DCAF6: variants seen among roughly 807,000 people sequenced by gnomAD.
DCAF6 encodes the protein DDB1 and CUL4 associated factor 6.
Under a neutral mutation model 125.1 loss-of-function variants are expected in DCAF6, and 54 were observed. That is an observed-to-expected ratio of 0.43 (90% CI 0.35 to 0.54). The LOEUF (loss-of-function observed/expected upper bound fraction) is 0.54. DCAF6 is among the 20% of genes least tolerant of loss of function. The pLI is 0.01. For missense variants in DCAF6, 934 were observed against 1,161.7 expected (o/e 0.80, Z 2.85); for synonymous variants, 371 against 390.4 (o/e 0.95, Z 0.58).
At chr1:167,990,637 A>G (rs1450033261) in intron 5 of DCAF6, among the ~76,000 whole-genome samples, 1 of 152,208 alleles carries the variant, frequency 6.6e-6, no homozygotes, top group Admixed American at 6.5e-5. Context: ...TATGAAATGT[A>G]GCTAGTTTAG....
chr1:167,913,172 T>A, the DCAF6 span, among the ~76,000 whole-genome samples: 12 of 152,192 alleles, frequency 7.9e-5, no homozygotes, highest in African/African-American at 2.6e-4. Context: ...GAATGAGAAA[T>A]GAGGATACCT....
intron 3 of DCAF6, among the ~76,000 whole-genome samples, chr1:167,972,974 T>C (rs769324035): frequency 1.3e-5 from 2 of 152,198 alleles, no homozygotes; most frequent in Admixed American, 1.3e-4. Context: ...TAAGTGGAGG[T>C]AAATCATAAA....
chr1:168,027,320 G>A (rs1233781862), intron 12 of DCAF6, among the ~76,000 whole-genome samples: 1 of 152,066 alleles, frequency 6.6e-6, no homozygotes, highest in African/African-American at 2.4e-5. Context: ...CATGTTTATA[G>A]AGTAAACAGA....
intron 3 of DCAF6, among the ~76,000 whole-genome samples, chr1:167,973,921 A>G (rs1677737807): frequency 6.6e-6 from 1 of 152,154 alleles, no homozygotes; most frequent in South Asian, 2.1e-4. Flanking sequence ...TGCCTAGTCA[A>G]AGAGTAAGCA....
chr1:167,913,039 GTTTAA>G, the DCAF6 span, among the ~76,000 whole-genome samples: 3 of 152,164 alleles, frequency 2.0e-5, no homozygotes, highest in Non-Finnish European at 4.4e-5. Context: ...AAAGATGTAG[GTTTAA>G]TTTAAGAGCA....
At chr1:168,055,818 TCTAAGTCTTCTATC>T (rs2101894466) in intron 17 of DCAF6, 1 of 975,870 alleles carries the variant, frequency 1.0e-6, no homozygotes, top group South Asian at 1.3e-5. Flanking sequence ...AAGTTTCTAT[TCTAAGTCTTCTATC>T]CACCACTAAT....
At chr1:167,899,491 T>C in the DCAF6 span, 1 of 1,614,196 alleles carries the variant, frequency 6.2e-7, no homozygotes, top group East Asian at 2.2e-5. Context: ...TGCCAGCAGT[T>C]TGGTGACAGA....
intron 12 of DCAF6, among the ~76,000 whole-genome samples, chr1:168,037,981 T>C (rs1311778059): frequency 1.3e-5 from 2 of 152,188 alleles, no homozygotes; most frequent in East Asian, 1.9e-4. Context: ...TCAGTGTTTC[T>C]GAAAGAGCCA....
rs1429341191 is a variant in DCAF6 at position 168,044,927 on chromosome 1, C to T, written c.1958C>T (p.Pro653Leu). The T allele has an allele frequency of 3.1e-6, 5 of 1,613,986 alleles. No individual in the cohort carries two copies. The East Asian group carries it at 8.9e-5, about 29-fold the overall frequency. Residue 653 changes from proline (P) to leucine (L), a missense_variant, in exon 16 of 22, where the codon CCA becomes CTA. By Grantham distance (98) the Pro-to-Leu change is moderately conservative (BLOSUM62 -3). Around this residue, in one of 5 missense-constraint regions of DCAF6, gnomAD observed 559 missense variants for 635.5 expected, o/e 0.88. Transcript: ENST00000367840. ...CAATCAGATAAGTTCACAGCCAAGCCATTGGATTCCAACTCAGGAGAAAGA... is the reference window on the plus strand; with the variant it reads ...CAATCAGATAAGTTCACAGCCAAGCTATTGGATTCCAACTCAGGAGAAAGA... ...ITQSDKFTAK[P>L]LDSNSGERND...
At chr1:168,054,929 G>A (rs1558036521) in intron 17 of DCAF6, among the ~76,000 whole-genome samples, 1 of 150,738 alleles carries the variant, frequency 6.6e-6, no homozygotes, top group Non-Finnish European at 1.5e-5. Flanking sequence ...CAATTCTCCT[G>A]CCTCAGCCTC....
intron 4 of DCAF6, among the ~76,000 whole-genome samples, chr1:167,980,878 T>C (rs750477813): frequency 1.9e-4 from 29 of 152,002 alleles, no homozygotes; most frequent in African/African-American, 4.1e-4. Flanking sequence ...AATAAATCAT[T>C]GTAAAATCCA....
At chr1:167,868,090 C>T in the DCAF6 span, among the ~76,000 whole-genome samples, 6 of 152,222 alleles carry the variant, frequency 3.9e-5, no homozygotes, top group Non-Finnish European at 8.8e-5. Context: ...TTCGTAAACT[C>T]TCTCCGGAAC....
chr1:167,962,880 A>T (rs1177439084), intron 2 of DCAF6, among the ~76,000 whole-genome samples: 1 of 152,222 alleles, frequency 6.6e-6, no homozygotes, highest in Admixed American at 6.5e-5. Context: ...GCTTGAACCC[A>T]GGAGGCAGAG....
Position 168,075,669 on chromosome 1 carries a change from T to C in DCAF6, c.*234T>C, listed in dbSNP as rs1352601933. On this transcript the variant is annotated 3_prime_UTR_variant, in exon 22 of 22. Coordinates refer to ENST00000367840, the MANE Select transcript of DCAF6 (RefSeq NM_001198956.2). ...ACTTTTTGCCGTGTATGAGGAGTGC[T>C]AGAAAATGCAAAGTGCAATATTTTC... is the stretch of plus-strand genomic sequence containing the variant. The C allele has an allele frequency of 1.3e-5, 5 of 387,864 alleles. No individual in the cohort carries two copies. Among genetic ancestry groups the C allele is most frequent in the Admixed American group, 4.4e-5 (1 of 22,576 alleles). 24.0% of individuals were successfully genotyped at this position (387,864 alleles called of 1,614,324 possible). A position where few individuals can be genotyped will look rare whatever the true frequency, so the allele number is the denominator to read the frequency against.
the DCAF6 span, chr1:167,918,287 T>C: frequency 6.6e-7 from 1 of 1,517,746 alleles, no homozygotes; most frequent in Non-Finnish European, 9.0e-7. Context: ...AATGGTTTTG[T>C]CCACATCTAG....
At chr1:168,024,738 A>T (rs1262387125) in intron 12 of DCAF6, among the ~76,000 whole-genome samples, 2 of 149,134 alleles carry the variant, frequency 1.3e-5, no homozygotes, top group African/African-American at 5.0e-5. Flanking sequence ...TGGGAGGCGG[A>T]GGTTACAGTG....
intron 11 of DCAF6, among the ~76,000 whole-genome samples, chr1:168,022,540 GC>G (rs1452147724): frequency 6.6e-6 from 1 of 152,048 alleles, no homozygotes; most frequent in African/African-American, 2.4e-5. Flanking sequence ...TCCTTGTTCA[GC>G]CCACAGTACA....
the DCAF6 span, among the ~76,000 whole-genome samples, chr1:167,930,127 T>C: frequency 0.022 from 3,355 of 152,294 alleles, 122 homozygotes; most frequent in African/African-American, 0.076. Flanking sequence ...TTTAGAGCCA[T>C]ATAATTTTAA....
At chr1:167,981,900 G>C (rs1244635816) in intron 4 of DCAF6, among the ~76,000 whole-genome samples, 1 of 152,212 alleles carries the variant, frequency 6.6e-6, no homozygotes, top group Non-Finnish European at 1.5e-5. Context: ...ACCCAGGATT[G>C]GGATTGCTGG....
Sources: allele counts gnomAD v4.1 joint callset (sites outside exome capture counted in the v4.1 genomes callset), GRCh38; gene constraint gnomAD v4.1.1; regional missense constraint gnomAD v4.1.1; transcripts MANE v1.5; gene names NCBI Gene and HGNC (gene_info 2026-07-23, HGNC 2026-07-21).